The following SQOR variants were observed in gnomAD, a reference collection of about 807,000 sequenced individuals.
SQOR encodes sulfide:quinone oxidoreductase, mitochondrial.
Under a neutral mutation model 48.6 loss-of-function variants are expected in SQOR, and 39 were observed. That is an observed-to-expected ratio of 0.80 (90% CI 0.62 to 1.05). The LOEUF (loss-of-function observed/expected upper bound fraction) is 1.05, where lower values mean the gene tolerates loss of function less well. Ranked by LOEUF, SQOR falls within the 50% of genes least tolerant of loss-of-function variation. The pLI is 0.00. For missense variants in SQOR, 561 were observed against 559.9 expected (o/e 1.00, Z -0.02); for synonymous variants, 220 against 206.2 (o/e 1.07, Z -0.57).
intron 6 of SQOR, among the ~76,000 whole-genome samples, chr15:45,678,161 C>A (rs543360812): frequency 1.2e-3 from 189 of 152,282 alleles, no homozygotes; most frequent in African/African-American, 4.5e-3. Flanking sequence ...GGGATAATTA[C>A]AATTTGTTTT....
chr15:45,690,666 C>T (rs1890307226), intron 9 of SQOR, among the ~76,000 whole-genome samples: 1 of 152,048 alleles, frequency 6.6e-6, no homozygotes, highest in Non-Finnish European at 1.5e-5. Flanking sequence ...TTGCAAAATC[C>T]TACAGTTAAT....
chr15:45,676,478 G>A (rs2140957857), intron 6 of SQOR, among the ~76,000 whole-genome samples, 168 bp downstream of exon 6: 1 of 152,300 alleles, frequency 6.6e-6, no homozygotes, highest in African/African-American at 2.4e-5. Flanking sequence ...CAAAATGGTT[G>A]GGGAAGAGAA....
chr15:45,680,916 A>G (rs891592080), intron 6 of SQOR, among the ~76,000 whole-genome samples: 2 of 151,826 alleles, frequency 1.3e-5, no homozygotes, highest in Non-Finnish European at 2.9e-5. Context: ...CAGTTCAAAA[A>G]CGTAGTTCTA....
At chr15:45,688,471 T>C in intron 8 of SQOR, 67 bp downstream of exon 8, 1 of 1,245,198 alleles carries the variant, frequency 8.0e-7, no homozygotes, top group East Asian at 2.5e-5. Flanking sequence ...AGTAGTGTTT[T>C]CCCACAATTT....
At chr15:45,648,461 C>T (rs1889392624) in intron 1 of SQOR, among the ~76,000 whole-genome samples, 2 of 152,316 alleles carry the variant, frequency 1.3e-5, no homozygotes, top group Admixed American at 6.5e-5. Context: ...CAGGCGTGAG[C>T]CACCACACCC....
At chr15:45,671,020 T>C (rs536647036) in intron 4 of SQOR, among the ~76,000 whole-genome samples, 3 of 152,312 alleles carry the variant, frequency 2.0e-5, no homozygotes, top group African/African-American at 7.2e-5. Context: ...AGCCCCAGTG[T>C]CATGTGAGAA....
chr15:45,650,280 T>C (rs1889451202), intron 1 of SQOR, among the ~76,000 whole-genome samples: 1 of 152,186 alleles, frequency 6.6e-6, no homozygotes, highest in Non-Finnish European at 1.5e-5. Context: ...GGGTTCTTGG[T>C]CTGACTGACT....
intron 1 of SQOR, among the ~76,000 whole-genome samples, chr15:45,644,262 A>G (rs1464381948): frequency 6.6e-6 from 1 of 151,666 alleles, no homozygotes; most frequent in African/African-American, 2.4e-5. Flanking sequence ...TAATTTTTGT[A>G]TTTTTCAGAG....
intron 8 of SQOR, among the ~76,000 whole-genome samples, 192 bp from the exon 9 acceptor site, chr15:45,688,847 T>G (rs1275184150): frequency 6.6e-6 from 1 of 152,204 alleles, no homozygotes; most frequent in Non-Finnish European, 1.5e-5. Flanking sequence ...GTCTCCAATA[T>G]GGGCATTTCT....
At chr15:45,654,532 G>A (rs1002624272) in intron 1 of SQOR, among the ~76,000 whole-genome samples, 1 of 152,144 alleles carries the variant, frequency 6.6e-6, no homozygotes, top group Non-Finnish European at 1.5e-5. Flanking sequence ...AGCCTTCTTG[G>A]CTGAGTGAGG....
chr15:45,678,062 A>G (rs937699368), intron 6 of SQOR, among the ~76,000 whole-genome samples: 5 of 152,168 alleles, frequency 3.3e-5, no homozygotes, highest in African/African-American at 1.2e-4. Flanking sequence ...ATTCTAAGGT[A>G]TCACATTTGC....
chr15:45,631,754 C>T (rs1228779411), upstream of SQOR: 1 of 152,228 alleles, frequency 6.6e-6, no homozygotes, highest in Non-Finnish European at 1.5e-5. Context: ...ATTTATTTTC[C>T]TTCTCCCGGA....
chr15:45,662,099 T>C lies in SQOR; in HGVS notation c.379T>C (p.Cys127Arg). The part of the protein sequence containing the change: ...RVTELNPDKN[C>R]IHTDDDEKIS... ...GACTGAGTTGAACCCAGACAAGAAC[T>C]GCATTCACACAGATGACGACGAGAA... is the stretch of plus-strand genomic sequence containing the variant. The change falls in exon 3 of 10, where the codon TGC becomes CGC. Residue 127 changes from cysteine (C) to arginine (R), a missense_variant. Physicochemically the swap from Cys to Arg is radical, Grantham distance 180. Coordinates refer to ENST00000260324, the MANE Select transcript of SQOR (RefSeq NM_021199.4). 1 of 1,614,186 alleles carries C rather than the reference T, an allele frequency of 6.2e-7. No individual in the cohort carries two copies. The highest frequency in any genetic ancestry group is 8.5e-7 in the Non-Finnish European group (1 of 1,180,026).
chr15:45,647,015 G>A (rs1043457735), intron 1 of SQOR, among the ~76,000 whole-genome samples: 2 of 152,108 alleles, frequency 1.3e-5, no homozygotes, highest in African/African-American at 2.4e-5. Flanking sequence ...CAGGGAGGCC[G>A]AGGCTGGTGG....
At chr15:45,650,198 G>A (rs150922002) in intron 1 of SQOR, among the ~76,000 whole-genome samples, 1 of 152,104 alleles carries the variant, frequency 6.6e-6, no homozygotes, top group African/African-American at 2.4e-5. Context: ...AGAGTGCAAT[G>A]GCATGATCTT....
chr15:45,677,917 A>T (rs1291970390), intron 6 of SQOR, among the ~76,000 whole-genome samples: 1 of 152,116 alleles, frequency 6.6e-6, no homozygotes, highest in African/African-American at 2.4e-5. Flanking sequence ...CATGTTGGCC[A>T]GGCTGGTCTC....
At chr15:45,633,447 G>A (rs1007783963), upstream of SQOR, among the ~76,000 whole-genome samples, 1 of 152,146 alleles carries the variant, frequency 6.6e-6, no homozygotes, top group Non-Finnish European at 1.5e-5. Flanking sequence ...TGTAATCCCA[G>A]CACTTTGGGA....
Position 45,682,612 on chromosome 15 carries a change from G to T in SQOR, c.999G>T (p.Gly333=), listed in dbSNP as rs1261468212. ...ACAGGAGGTACCCAAATGTGTTTGGGATTGGGGACTGCACCAACCTTCCTA... is the reference window on the plus strand; with the variant it reads ...ACAGGAGGTACCCAAATGTGTTTGGTATTGGGGACTGCACCAACCTTCCTA... The part of the protein sequence containing the change: ...LQHRRYPNVF[G]IGDCTNLPTS... Residue 333 remains glycine (G), a synonymous_variant, in exon 7 of 10, where the codon GGG becomes GGT. Coordinates refer to ENST00000260324, the MANE Select transcript of SQOR (RefSeq NM_021199.4). 2 of 1,614,094 alleles carry T rather than the reference G, an allele frequency of 1.2e-6. No individual in the cohort carries two copies. The highest frequency in any genetic ancestry group is 4.5e-5 in the East Asian group (2 of 44,906).
At chr15:45,673,905 G>T in intron 5 of SQOR, 104 bp downstream of exon 5, 2 of 1,122,810 alleles carry the variant, frequency 1.8e-6, no homozygotes, top group South Asian at 3.1e-5. Flanking sequence ...TTTTATCTCG[G>T]AATTTTTATT....
Sources: allele counts gnomAD v4.1 joint callset (sites outside exome capture counted in the v4.1 genomes callset), GRCh38; gene constraint gnomAD v4.1.1; transcripts MANE v1.5; gene names NCBI Gene and HGNC (gene_info 2026-07-23, HGNC 2026-07-21).